The following CDK6 variants were observed in gnomAD, a reference collection of about 807,000 sequenced individuals.
CDK6 encodes cyclin-dependent kinase 6.
In CDK6, 6 loss-of-function variants were observed where a neutral mutation model predicts 37.1. The ratio of observed to expected loss-of-function variants is 0.16; its 90% CI spans 0.09 to 0.32. The LOEUF (loss-of-function observed/expected upper bound fraction) is 0.32, where lower values mean the gene tolerates loss of function less well. CDK6 is among the 10% of genes least tolerant of loss of function. The pLI is 1.00. For synonymous variants in CDK6, 160 were observed against 161.3 expected, an observed-to-expected ratio of 0.99 and a Z score of 0.06; for missense variants, 224 against 418.9, an observed-to-expected ratio of 0.53 and a Z score of 4.06.
intron 5 of CDK6, among the ~76,000 whole-genome samples, chr7:92,656,874 T>C (rs1256847704): frequency 6.6e-6 from 1 of 152,118 alleles, no homozygotes; most frequent in Non-Finnish European, 1.5e-5. Context: ...ACCTGGAGGA[T>C]AGGAGCATTC....
chr7:92,762,905 A>C (rs1342730372), intron 3 of CDK6, among the ~76,000 whole-genome samples: 1 of 152,180 alleles, frequency 6.6e-6, no homozygotes, highest in Non-Finnish European at 1.5e-5. Context: ...CTATTTCCAG[A>C]TTGATCTAAA....
chr7:92,823,107 A>C (rs1184016216), intron 2 of CDK6, among the ~76,000 whole-genome samples: 5 of 151,912 alleles, frequency 3.3e-5, no homozygotes, highest in African/African-American at 4.8e-5. Context: ...AAAAAAAAAA[A>C]AACCAAACCT....
chr7:92,609,722 G>A lies in CDK6; in HGVS notation c.*5418C>T, dbSNP rs1047812509. The A allele has an allele frequency of 1.3e-5, 3 of 230,698 alleles. No homozygotes were observed. Among genetic ancestry groups the A allele is most frequent in the African/African-American group, 2.2e-5 (1 of 45,196 alleles). 14.3% of individuals were successfully genotyped at this position (230,698 alleles called of 1,614,324 possible). A position where few individuals can be genotyped will look rare whatever the true frequency, so the allele number is the denominator to read the frequency against. On this transcript the variant is annotated 3_prime_UTR_variant, in exon 8 of 8. Coordinates refer to ENST00000424848, the MANE Select transcript of CDK6 (RefSeq NM_001145306.2). The stretch of plus-strand genomic sequence containing the variant: ...ACTAAAGGAGTTTTATACTTCTAAC[G>A]AAACTATCCTGTTCACAGATGAGGA...
intron 4 of CDK6, among the ~76,000 whole-genome samples, chr7:92,723,268 C>T (rs1009422574): frequency 1.3e-5 from 2 of 152,056 alleles, no homozygotes; most frequent in African/African-American, 4.8e-5. Flanking sequence ...AGAAAGGGTA[C>T]CTCTGGAGTC....
intron 3 of CDK6, among the ~76,000 whole-genome samples, chr7:92,751,920 G>A (rs1009077046): frequency 1.1e-4 from 16 of 152,114 alleles, no homozygotes; most frequent in Non-Finnish European, 1.0e-4. Context: ...CAGAGGGCAC[G>A]GAAATGCTAA....
chr7:92,739,902 A>T (rs1461430818), intron 3 of CDK6, among the ~76,000 whole-genome samples: 1 of 152,212 alleles, frequency 6.6e-6, no homozygotes, highest in African/African-American at 2.4e-5. Context: ...CTATAGGCAC[A>T]TGCCACTATG....
chr7:92,811,626 C>G (rs1800887361), intron 2 of CDK6, among the ~76,000 whole-genome samples: 1 of 151,838 alleles, frequency 6.6e-6, no homozygotes, highest in Admixed American at 6.6e-5. Flanking sequence ...ATGCCTTGCC[C>G]TTGCAACTAC....
chr7:92,715,860 C>T (rs1798219499), intron 4 of CDK6, among the ~76,000 whole-genome samples: 1 of 152,184 alleles, frequency 6.6e-6, no homozygotes, highest in African/African-American at 2.4e-5. Flanking sequence ...TCTTGGGACA[C>T]TATGGTTTCT....
chr7:92,629,636 TG>T lies in CDK6; in HGVS notation c.648-6551del, dbSNP rs1328240032. ...TCTAATCACTATGACAAAAATTGAA[TG>T]GGTATCTCCCATTTCCAAGAAATAG... On this transcript the variant is annotated intron_variant, in intron 5 of 7. Transcript: ENST00000424848. Among the ~76,000 whole-genome samples the T allele has an allele frequency of 2.0e-5, 3 of 152,158 alleles. No individual in the cohort carries two copies. In the East Asian group the frequency reaches 5.8e-4, roughly 29 times the overall value.
At chr7:92,673,870 C>T (rs953475710) in intron 4 of CDK6, among the ~76,000 whole-genome samples, 47 of 151,942 alleles carry the variant, frequency 3.1e-4, no homozygotes, top group Admixed American at 1.0e-3. Flanking sequence ...CTCCGCCTCC[C>T]GGGTTCAAGC....
chr7:92,813,494 T>C (rs1395083243), intron 2 of CDK6, among the ~76,000 whole-genome samples: 1 of 152,230 alleles, frequency 6.6e-6, no homozygotes, highest in African/African-American at 2.4e-5. Flanking sequence ...TGGTTTTCTT[T>C]AATCAAATTA....
intron 2 of CDK6, among the ~76,000 whole-genome samples, chr7:92,828,204 C>T (rs1343091245): frequency 3.3e-5 from 5 of 152,006 alleles, no homozygotes; most frequent in South Asian, 2.1e-4. Context: ...GAAGAATTTA[C>T]TGGAATAATA....
At chr7:92,713,880 T>C (rs1798159840) in intron 4 of CDK6, among the ~76,000 whole-genome samples, 1 of 152,158 alleles carries the variant, frequency 6.6e-6, no homozygotes, top group South Asian at 2.1e-4. Flanking sequence ...TGGATGCAGA[T>C]ACAAACCACA....
At chr7:92,646,482 C>A (rs546286625) in intron 5 of CDK6, among the ~76,000 whole-genome samples, 61 of 151,748 alleles carry the variant, frequency 4.0e-4, no homozygotes, top group African/African-American at 1.4e-3. Flanking sequence ...ACTGCAACCT[C>A]TCCCTCCCAG....
chr7:92,679,240 T>C (rs1797278062), intron 4 of CDK6, among the ~76,000 whole-genome samples: 1 of 152,208 alleles, frequency 6.6e-6, no homozygotes, highest in Non-Finnish European at 1.5e-5. Flanking sequence ...AGTTTCAGTT[T>C]TCTCATCTGT....
chr7:92,777,042 TG>T (rs1327511753), intron 2 of CDK6, among the ~76,000 whole-genome samples: 1 of 152,162 alleles, frequency 6.6e-6, no homozygotes, highest in Non-Finnish European at 1.5e-5. Flanking sequence ...TTAGGTCTTA[TG>T]TTTAAGTCTT....
chr7:92,605,846 G>A lies in CDK6; in HGVS notation c.*9294C>T, dbSNP rs1399102376. On this transcript the variant is annotated 3_prime_UTR_variant, in exon 8 of 8. Transcript: ENST00000424848. The stretch of plus-strand genomic sequence containing the variant: ...CAGAGAGCTGTGCTGCACCCACAGG[G>A]TGGACCCGACAGGCCACTGTGGTAA... The A allele has an allele frequency of 1.3e-5, 3 of 233,450 alleles. No individual in the cohort carries two copies. The East Asian group carries it at 1.8e-4, about 14-fold the overall frequency. 14.5% of individuals were successfully genotyped at this position (233,450 alleles called of 1,614,324 possible).
At chr7:92,759,476 T>C (rs1799398979) in intron 3 of CDK6, among the ~76,000 whole-genome samples, 1 of 152,090 alleles carries the variant, frequency 6.6e-6, no homozygotes, top group Non-Finnish European at 1.5e-5. Context: ...TTAGCTACTA[T>C]AGAAATGATT....
chr7:92,774,815 T>C lies in CDK6; in HGVS notation c.250A>G (p.Thr84Ala). The change falls in exon 3 of 8, where the codon ACA becomes GCA. Residue 84 changes from threonine to alanine, a missense_variant. By Grantham distance (58) the Thr-to-Ala change is moderately conservative. Coordinates refer to ENST00000424848, the MANE Select transcript of CDK6 (RefSeq NM_001145306.2). Reference sequence around the variant, plus strand: ...GTTTCTCTGTCTGTTCGTGACACTGTGCACACATCAAACAACCTAGAAGAA... The same window carrying C: ...GTTTCTCTGTCTGTTCGTGACACTGCGCACACATCAAACAACCTAGAAGAA... ...PNVVRLFDVCTVSRTDRETKL... is the reference protein window; with the variant it reads ...PNVVRLFDVCAVSRTDRETKL... The C allele has an allele frequency of 1.9e-6, 3 of 1,609,682 alleles. No homozygotes were observed. Among genetic ancestry groups the C allele is most frequent in the Non-Finnish European group, 1.7e-6 (2 of 1,178,548 alleles).
Sources: gnomAD v4.1 joint callset for allele counts (sites outside exome capture counted in the v4.1 genomes callset) on GRCh38, gnomAD v4.1.1 for gene constraint, MANE v1.5 for transcripts, NCBI Gene and HGNC (gene_info 2026-07-23, HGNC 2026-07-21) for gene names.